The following CDH20 variants were observed in gnomAD, a reference collection of about 807,000 sequenced individuals.
The protein encoded by CDH20 is cadherin 20, also known as cadherin-20.
In CDH20, 29 loss-of-function variants were observed where a neutral mutation model predicts 74.2. The ratio of observed to expected loss-of-function variants is 0.39; its 90% CI spans 0.29 to 0.53. CDH20 has a LOEUF of 0.53. CDH20 is among the 20% of genes least tolerant of loss of function. The pLI is 0.69. For missense variants in CDH20, 988 were observed against 1,048.3 expected, an observed-to-expected ratio of 0.94 and a Z score of 0.79; for synonymous variants, 469 against 405.4, an observed-to-expected ratio of 1.16 and a Z score of -1.88.
intron 1 of CDH20, among the ~76,000 whole-genome samples, chr18:61,415,812 G>A (rs1912662345): frequency 6.6e-6 from 1 of 151,820 alleles, no homozygotes; most frequent in Non-Finnish European, 1.5e-5. Context: ...CCACAAAGAT[G>A]GTGTCTTCCA....
At chr18:61,368,176 C>T (rs1005516531) in intron 1 of CDH20, among the ~76,000 whole-genome samples, 2 of 151,944 alleles carry the variant, frequency 1.3e-5, no homozygotes, top group African/African-American at 4.8e-5. Context: ...ATTTTAAGGT[C>T]GGCTGATTAA....
chr18:61,411,319 G>A (rs1912493431), intron 1 of CDH20, among the ~76,000 whole-genome samples: 1 of 152,118 alleles, frequency 6.6e-6, no homozygotes. Flanking sequence ...ATGTAAACTA[G>A]TACAGCCACT....
At chr18:61,377,206 T>C (rs1488207827) in intron 1 of CDH20, among the ~76,000 whole-genome samples, 1 of 152,082 alleles carries the variant, frequency 6.6e-6, no homozygotes, top group Non-Finnish European at 1.5e-5. Context: ...CAATTTGTTG[T>C]AGAGGTTGTA....
rs1422634199 is a variant in CDH20 at position 61,424,401 on chromosome 18, C to T, written c.-152-66001C>T. ...TTACTAAATGGGAGGCCTACAGAAA[C>T]CAAAATGTGTCTCTCTGAGCATTGG... On this transcript the variant is annotated intron_variant, in intron 1 of 11. Coordinates refer to ENST00000262717, the MANE Select transcript of CDH20 (RefSeq NM_031891.4). 1.3e-5 allele frequency among the ~76,000 whole-genome samples: 2 copies of T among 152,172 alleles called. 1 individual carries two copies. The highest frequency in any genetic ancestry group is 4.1e-4 in the South Asian group (2 of 4,832).
At chr18:61,507,894 C>T (rs1481948062) in intron 6 of CDH20, among the ~76,000 whole-genome samples, 4 of 152,152 alleles carry the variant, frequency 2.6e-5, no homozygotes, top group Admixed American at 6.5e-5. Context: ...AACATTTGCA[C>T]TTGAATAACA....
At chr18:61,337,747 A>C (rs990057605) in intron 1 of CDH20, among the ~76,000 whole-genome samples, 1 of 152,230 alleles carries the variant, frequency 6.6e-6, no homozygotes, top group Non-Finnish European at 1.5e-5. Context: ...AAATGAAGAC[A>C]TAAGTAAGGG....
Position 61,499,446 on chromosome 18 carries a change from T to C in CDH20, c.507T>C (p.Pro169=). The part of the protein sequence containing the change: ...NDNEPKFLDG[P]YVATVPEMSP... ...ATGAGCCCAAGTTCCTGGACGGACC[T>C]TATGTGGCCACTGTGCCAGAAATGT... Residue 169 remains proline (P), a synonymous_variant, in exon 3 of 12, where the codon CCT becomes CCC. Transcript: ENST00000262717. 2.5e-6 allele frequency: 4 copies of C among 1,610,666 alleles called. No individual in the cohort carries two copies. Among genetic ancestry groups the C allele is most frequent in the Non-Finnish European group, 3.4e-6 (4 of 1,178,098 alleles).
At chr18:61,527,317 T>C (rs558079260) in intron 6 of CDH20, among the ~76,000 whole-genome samples, 16 of 36,536 alleles carry the variant, frequency 4.4e-4, no homozygotes, top group Non-Finnish European at 8.1e-4. Flanking sequence ...TCAAGAATAA[T>C]TTTTTAAGGA....
chr18:61,418,974 T>TC (rs1912789120), intron 1 of CDH20, among the ~76,000 whole-genome samples: 2 of 152,234 alleles, frequency 1.3e-5, no homozygotes, highest in Non-Finnish European at 2.9e-5. Flanking sequence ...TGCTGATCTC[T>TC]ATACATCAGA....
chr18:61,386,529 C>T (rs962445668), intron 1 of CDH20, among the ~76,000 whole-genome samples: 7 of 152,098 alleles, frequency 4.6e-5, no homozygotes, highest in Admixed American at 4.6e-4. Context: ...GAAGCCCAAA[C>T]GAATTAAGAC....
intron 1 of CDH20, among the ~76,000 whole-genome samples, chr18:61,359,756 A>G (rs1352615747): frequency 1.3e-5 from 2 of 152,226 alleles, no homozygotes; most frequent in Non-Finnish European, 2.9e-5. Context: ...CTTATAGGTG[A>G]CCCAAAATTG....
At chr18:61,539,964 C>A (rs1599157075) in intron 9 of CDH20, among the ~76,000 whole-genome samples, 1 of 152,184 alleles carries the variant, frequency 6.6e-6, no homozygotes, top group Admixed American at 6.5e-5. Flanking sequence ...TTAAGTATGC[C>A]CTTAAACCTA....
chr18:61,534,119 C>T (rs1185338600), intron 7 of CDH20, among the ~76,000 whole-genome samples: 1 of 152,002 alleles, frequency 6.6e-6, no homozygotes, highest in African/African-American at 2.4e-5. Flanking sequence ...TACAAATGAC[C>T]AACATACATG....
At chr18:61,395,608 C>A (rs1911937401) in intron 1 of CDH20, among the ~76,000 whole-genome samples, 1 of 152,156 alleles carries the variant, frequency 6.6e-6, no homozygotes, top group Non-Finnish European at 1.5e-5. Context: ...TTACCTCCAA[C>A]TTCTGAAATT....
intron 5 of CDH20, among the ~76,000 whole-genome samples, chr18:61,504,368 C>A (rs1911486838): frequency 6.6e-6 from 1 of 152,106 alleles, no homozygotes; most frequent in South Asian, 2.1e-4. Context: ...GCTAAGGGAA[C>A]CATGGCAGAG....
At position 61,333,708 on chromosome 18, in the gene CDH20, A is replaced by C. The variant is rs1909645536; in HGVS notation, c.-272A>C. 7 of 152,192 alleles carry C rather than the reference A, an allele frequency of 4.6e-5. 1 individual carries two copies. In the South Asian group the frequency reaches 1.5e-3, roughly 32 times the overall value. The allele number at this position is 152,192 out of a possible 1,614,324, so 9.4% of individuals were successfully genotyped here. On this transcript the variant is annotated 5_prime_UTR_variant, in exon 1 of 12. Transcript: ENST00000262717. ...GGGGGGCGGGGACAGCGCCGCGAGC[A>C]GGGGTGAAGAGACCCAGCGGGGCAC...
At chr18:61,441,142 A>G (rs1388224389) in intron 1 of CDH20, among the ~76,000 whole-genome samples, 1 of 152,124 alleles carries the variant, frequency 6.6e-6, no homozygotes, top group East Asian at 1.9e-4. Flanking sequence ...GATCAGGTAT[A>G]AGCTCCCTAT....
chr18:61,554,764 A>G lies in CDH20; in HGVS notation c.*69A>G, dbSNP rs183849807. The G allele has an allele frequency of 1.0e-4, 149 of 1,475,850 alleles. No individual in the cohort carries two copies. Among genetic ancestry groups the G allele is most frequent in the South Asian group, 2.8e-4 (21 of 74,308 alleles). 91.4% of individuals were successfully genotyped at this position (1,475,850 alleles called of 1,614,324 possible). A position where few individuals can be genotyped will look rare whatever the true frequency, so the allele number is the denominator to read the frequency against. ...CGCGGGTGCTTCGCGGACAAGGTGC[A>G]GCCAACCACACGAGCAATACTGTGC... On this transcript the variant is annotated 3_prime_UTR_variant, in exon 12 of 12. Coordinates refer to ENST00000262717, the MANE Select transcript of CDH20 (RefSeq NM_031891.4).
At chr18:61,465,436 C>G (rs990033717) in intron 1 of CDH20, among the ~76,000 whole-genome samples, 2 of 152,194 alleles carry the variant, frequency 1.3e-5, no homozygotes, top group Non-Finnish European at 2.9e-5. Flanking sequence ...AGCACACATA[C>G]TTCCCATTGT....
Sources: allele counts gnomAD v4.1 joint callset (sites outside exome capture counted in the v4.1 genomes callset), GRCh38; gene constraint gnomAD v4.1.1; transcripts MANE v1.5; gene names NCBI Gene and HGNC (gene_info 2026-07-23, HGNC 2026-07-21).